GRIK2: variants seen among roughly 807,000 people sequenced by gnomAD.
GRIK2 encodes the protein glutamate receptor ionotropic, kainate 2.
In GRIK2, 32 loss-of-function variants were observed where a neutral mutation model predicts 100.3. The ratio of observed to expected loss-of-function variants is 0.32; its 90% confidence interval spans 0.24 to 0.43. GRIK2 has a LOEUF of 0.43. Ranked by LOEUF, GRIK2 falls within the 20% of genes least tolerant of loss-of-function variation. The pLI, the probability that GRIK2 is intolerant of heterozygous loss-of-function variation, is 1.00. For synonymous variants in GRIK2, 417 were observed against 389.4 expected (o/e 1.07, Z -0.83); for missense variants, 843 against 1,114.9 (o/e 0.76, Z 3.47).
chr6:102,018,954 A>C (rs1769281600), intron 14 of GRIK2, among the ~76,000 whole-genome samples: 2 of 149,952 alleles, frequency 1.3e-5, no homozygotes, highest in Admixed American at 1.3e-4. Flanking sequence ...GTTTAAAATA[A>C]ATTTTTAAAT....
At chr6:101,676,496 A>T in intron 4 of GRIK2, 127 bp from the exon 5 acceptor site, 1 of 584,854 alleles carries the variant, frequency 1.7e-6, no homozygotes, top group South Asian at 2.9e-5. Flanking sequence ...ATACAAACCT[A>T]TGTAACCACA....
chr6:101,691,777 T>C (rs1317795056), intron 7 of GRIK2, among the ~76,000 whole-genome samples: 2 of 152,160 alleles, frequency 1.3e-5, no homozygotes, highest in African/African-American at 2.4e-5. Flanking sequence ...GACTTTATAA[T>C]TTCCTTTTTT....
intron 9 of GRIK2, among the ~76,000 whole-genome samples, chr6:101,806,804 A>C (rs1269366234): frequency 1.3e-5 from 2 of 151,680 alleles, no homozygotes; most frequent in African/African-American, 4.8e-5. Context: ...GCCTCCTCTA[A>C]GTCTCTAATC....
intron 2 of GRIK2, among the ~76,000 whole-genome samples, chr6:101,469,545 T>C (rs1173840303): frequency 6.6e-6 from 1 of 152,198 alleles, no homozygotes; most frequent in Admixed American, 6.6e-5. Flanking sequence ...ATCAATGAGT[T>C]AAACATTTGT....
intron 2 of GRIK2, among the ~76,000 whole-genome samples, chr6:101,399,889 A>T (rs921947469): frequency 9.2e-5 from 14 of 152,146 alleles, no homozygotes; most frequent in African/African-American, 3.4e-4. Context: ...AACCCTTTTG[A>T]TTTCTTTTTC....
intron 2 of GRIK2, among the ~76,000 whole-genome samples, chr6:101,548,515 G>A (rs749779914): frequency 1.1e-4 from 16 of 152,174 alleles, no homozygotes; most frequent in East Asian, 3.9e-4. Context: ...TAAGGAAGGG[G>A]TCCAGTTTCA....
At chr6:102,067,025 CCT>C (rs1472502816) in intron 16 of GRIK2, among the ~76,000 whole-genome samples, 1 of 151,588 alleles carries the variant, frequency 6.6e-6, no homozygotes, top group African/African-American at 2.4e-5. Flanking sequence ...AGTTATCCAA[CCT>C]CTCTCTGAAT....
rs1326695188 is a variant in GRIK2, at chr6:101,444,064, GGTTTTTTT to G, written c.115+44677_115+44684del. On this transcript the variant is annotated intron_variant, in intron 2 of 16. Coordinates refer to ENST00000369134, the MANE Select transcript of GRIK2 (RefSeq NM_021956.5). ...CGTGCCCAGCCCAGCTGATTTTCCG[GGTTTTTTT>G]GTTTGTTTGTTTGTTTGTTTGTTTG... 1.7e-3 allele frequency among the ~76,000 whole-genome samples: 236 copies of G among 142,710 alleles called. 1 individual carries two copies. Among genetic ancestry groups the G allele is most frequent in the African/African-American group, 4.6e-3 (177 of 38,526 alleles). 93.6% of individuals were successfully genotyped at this position (142,710 alleles called of 152,430 possible).
chr6:101,633,989 G>A (rs1200432399), intron 4 of GRIK2, among the ~76,000 whole-genome samples: 4 of 152,000 alleles, frequency 2.6e-5, no homozygotes, highest in Non-Finnish European at 4.4e-5. Flanking sequence ...ATTTTGTGGG[G>A]GTTTTTTTTG....
intron 7 of GRIK2, among the ~76,000 whole-genome samples, chr6:101,737,829 T>C (rs954059393): frequency 1.3e-5 from 2 of 152,158 alleles, no homozygotes; most frequent in African/African-American, 4.8e-5. Flanking sequence ...TGGCTGTAGA[T>C]GTGAAAGAGA....
At chr6:101,552,418 A>G (rs1414907515) in intron 2 of GRIK2, among the ~76,000 whole-genome samples, 1 of 152,098 alleles carries the variant, frequency 6.6e-6, no homozygotes, top group African/African-American at 2.4e-5. Flanking sequence ...CTCTTGTGGC[A>G]TATTTTCCTG....
chr6:101,557,017 G>GT (rs1377738472), intron 2 of GRIK2, among the ~76,000 whole-genome samples: 7 of 146,164 alleles, frequency 4.8e-5, no homozygotes, highest in East Asian at 2.1e-4. Flanking sequence ...TTTTAAAGCT[G>GT]TTTAAAAAAA....
At chr6:101,949,566 T>A (rs1791487712) in intron 14 of GRIK2, among the ~76,000 whole-genome samples, 1 of 152,064 alleles carries the variant, frequency 6.6e-6, no homozygotes, top group Non-Finnish European at 1.5e-5. Context: ...TGTCCATGCG[T>A]TCTCATTGTT....
intron 15 of GRIK2, among the ~76,000 whole-genome samples, chr6:102,047,506 T>C (rs1030875139): frequency 6.6e-6 from 1 of 152,044 alleles, no homozygotes; most frequent in Non-Finnish European, 1.5e-5. Context: ...TCTCAGTACT[T>C]TGGGAGGCCG....
chr6:101,936,563 C>G (rs905069716), intron 14 of GRIK2, among the ~76,000 whole-genome samples: 1 of 151,986 alleles, frequency 6.6e-6, no homozygotes, highest in Non-Finnish European at 1.5e-5. Context: ...TCTCCCTCCC[C>G]CTTTCCTCAT....
intron 2 of GRIK2, among the ~76,000 whole-genome samples, chr6:101,548,131 T>A (rs2128291302): frequency 6.6e-6 from 1 of 152,250 alleles, no homozygotes; most frequent in South Asian, 2.1e-4. Context: ...TTGAGAAGTG[T>A]CTGTTCATAT....
rs1780442929 is a variant in GRIK2 at position 101,626,418 on chromosome 6, G to A, written c.322G>A (p.Gly108Arg). ...GTCTCTTGGGGTGGCTGCCATCTTC[G>A]GGCCTTCACACAGCTCATCAGCAAA... ...QLSLGVAAIFGPSHSSSANAV... is the reference protein window; with the variant it reads ...QLSLGVAAIFRPSHSSSANAV... Residue 108 changes from glycine (G) to arginine (R), a missense_variant, in exon 4 of 17, where the codon GGG becomes AGG. Transcript: ENST00000369134. 1.9e-6 allele frequency: 3 copies of A among 1,613,136 alleles called. No homozygotes were observed. The highest frequency in any genetic ancestry group is 1.3e-5 in the African/African-American group (1 of 74,916).
At chr6:101,678,816 T>A (rs1771030880) in intron 5 of GRIK2, among the ~76,000 whole-genome samples, 1 of 152,362 alleles carries the variant, frequency 6.6e-6, no homozygotes, top group East Asian at 1.9e-4. Context: ...TTAATCAGTT[T>A]ACTCTTGTGC....
chr6:102,066,819 G>A (rs1160640644), intron 16 of GRIK2, among the ~76,000 whole-genome samples: 4 of 151,632 alleles, frequency 2.6e-5, no homozygotes, highest in Non-Finnish European at 4.4e-5. Context: ...AGATTATCCG[G>A]GTAATTGTGA....
Sources: gnomAD v4.1 joint callset for allele counts (sites outside exome capture counted in the v4.1 genomes callset) on GRCh38, gnomAD v4.1.1 for gene constraint, MANE v1.5 for transcripts, NCBI Gene and HGNC (gene_info 2026-07-23, HGNC 2026-07-21) for gene names.